The following DEPDC4 variants were observed in gnomAD, a reference collection of about 807,000 sequenced individuals.
DEPDC4 encodes DEP domain containing 4, also known as DEP domain-containing protein 4.
DEPDC4 carries 52 observed loss-of-function variants against 52.0 expected under a neutral mutation model. That is an observed-to-expected ratio of 1.00 (90% CI 0.80 to 1.26). The LOEUF is 1.26. DEPDC4 is among the 50% of genes most tolerant of loss of function. The pLI is 0.00. For synonymous variants in DEPDC4, 201 were observed against 196.8 expected (o/e 1.02, Z -0.18); for missense variants, 530 against 546.9 (o/e 0.97, Z 0.31).
intron 3 of DEPDC4, among the ~76,000 whole-genome samples, chr12:100,256,471 T>C (rs969043074): frequency 7.2e-5 from 11 of 152,276 alleles, no homozygotes; most frequent in Admixed American, 3.9e-4. Context: ...TATAAAGATA[T>C]ATTATCTAGC....
At chr12:100,281,019 G>GTTTTGTTTT in the DEPDC4 span, among the ~76,000 whole-genome samples, 2 of 50,492 alleles carry the variant, frequency 4.0e-5, no homozygotes, top group South Asian at 7.1e-4. Context: ...TACCATCAGT[G>GTTTTGTTTT]TTTTTTTTTT....
chr12:100,247,388 T>C (rs1357990097), intron 8 of DEPDC4, among the ~76,000 whole-genome samples: 1 of 151,870 alleles, frequency 6.6e-6, no homozygotes, highest in African/African-American at 2.4e-5. Flanking sequence ...GTATTTTTAG[T>C]AGAGATGGAG....
chr12:100,238,072 T>C (rs2096144585), downstream of DEPDC4: 1 of 984,012 alleles, frequency 1.0e-6, no homozygotes, highest in Non-Finnish European at 1.2e-6. Context: ...TCTCTTCAGG[T>C]ACCCTCTCAG....
chr12:100,281,560 G>T, the DEPDC4 span, among the ~76,000 whole-genome samples: 1 of 152,024 alleles, frequency 6.6e-6, no homozygotes, highest in Non-Finnish European at 1.5e-5. Context: ...TAGGCTGGGC[G>T]CTTTGGCTCA....
At chr12:100,268,354 G>A (rs2096282290), upstream of DEPDC4, among the ~76,000 whole-genome samples, 3 of 152,144 alleles carry the variant, frequency 2.0e-5, no homozygotes, top group Admixed American at 1.3e-4. Context: ...TCTGGTGATG[G>A]CTTGAAAGTC....
At chr12:100,241,920 G>A (rs11110310) in intron 9 of DEPDC4, 75 bp from the exon 10 acceptor site, 21,001 of 991,292 alleles carry the variant, frequency 0.021, 247 homozygotes, top group Middle Eastern at 0.027. Flanking sequence ...CAACTAAACT[G>A]TACTTATCCA....
intron 7 of DEPDC4, among the ~76,000 whole-genome samples, chr12:100,251,412 T>A (rs553044557): frequency 6.6e-6 from 1 of 152,316 alleles, no homozygotes; most frequent in African/African-American, 2.4e-5. Context: ...TTACTAATGC[T>A]ACTGCTACTC....
At chr12:100,232,889 A>C in intron 9 of DEPDC4, among the ~76,000 whole-genome samples, 1 of 132,922 alleles carries the variant, frequency 7.5e-6, no homozygotes, top group Non-Finnish European at 1.5e-5. Context: ...CATCTCAAAA[A>C]CAAAACAAAA....
At chr12:100,278,029 T>C in the DEPDC4 span, among the ~76,000 whole-genome samples, 1 of 152,192 alleles carries the variant, frequency 6.6e-6, no homozygotes, top group Non-Finnish European at 1.5e-5. Flanking sequence ...CTCCTGTTCT[T>C]TCTTGTTACA....
At position 100,252,467 on chromosome 12, in the gene DEPDC4, C is replaced by A; in HGVS notation, c.1175G>T (p.Arg392Ile). Residue 392 changes from arginine (R) to isoleucine (I), a missense_variant, in exon 6 of 10, where the codon AGA (arginine) becomes ATA (isoleucine). Transcript: ENST00000550587. Reference protein sequence around the residue: ...LYLRLLLLNIREELRRLLTFM... With the variant: ...LYLRLLLLNIIEELRRLLTFM... ...AGTAAGTAGCCGTCGTAATTCTTCTCTAATGTTCAGCAACAGCAATCTTAG... is the reference window on the plus strand; with the variant it reads ...AGTAAGTAGCCGTCGTAATTCTTCTATAATGTTCAGCAACAGCAATCTTAG... 1.9e-6 allele frequency: 3 copies of A among 1,607,736 alleles called. No homozygotes were observed. Among genetic ancestry groups the A allele is most frequent in the Non-Finnish European group, 2.5e-6 (3 of 1,179,810 alleles).
intron 4 of DEPDC4, among the ~76,000 whole-genome samples, chr12:100,255,362 T>A (rs2096228166): frequency 6.6e-6 from 1 of 152,226 alleles, no homozygotes; most frequent in South Asian, 2.1e-4. Flanking sequence ...CATAGTTGAC[T>A]AAGAGGGTCC....
chr12:100,271,362 T>C (rs1284713353), upstream of DEPDC4, among the ~76,000 whole-genome samples: 2 of 151,832 alleles, frequency 1.3e-5, no homozygotes, highest in Non-Finnish European at 2.9e-5. Context: ...TAAGCACACG[T>C]ATTTTCCCCC....
At chr12:100,247,079 C>T (rs1444082085) in intron 8 of DEPDC4, among the ~76,000 whole-genome samples, 6 of 151,472 alleles carry the variant, frequency 4.0e-5, no homozygotes, top group Admixed American at 4.0e-4. Context: ...AGATAAGTTT[C>T]AAGAAGAGAT....
chr12:100,269,086 A>C (rs146284401), upstream of DEPDC4, among the ~76,000 whole-genome samples: 361 of 152,332 alleles, frequency 2.4e-3, 1 homozygote, highest in African/African-American at 8.0e-3. Context: ...TTCAAAATGC[A>C]GACCTAATAA....
downstream of DEPDC4, chr12:100,237,992 G>T: frequency 1.2e-6 from 1 of 814,898 alleles, no homozygotes; most frequent in Non-Finnish European, 1.5e-6. Flanking sequence ...ACATTAAAAT[G>T]GCAACTTTCC....
Position 100,262,290 on chromosome 12 carries a change from T to C in DEPDC4, c.674A>G (p.Lys225Arg). The C allele has an allele frequency of 1.2e-6, 2 of 1,609,646 alleles. No individual in the cohort carries two copies. The highest frequency in any genetic ancestry group is 1.7e-5 in the Admixed American group (1 of 58,278). ...PALCPNITVQ[K>R]PFLRLSKEDV... is the part of the protein sequence containing the mutation. ...TTCTTTTGAAAGCCGGAGAAAAGGT[T>C]TCTGAACTGTGATATTTGGACATAA... The change falls in exon 3 of 10, where the codon AAA becomes AGA. Residue 225 changes from lysine (K) to arginine (R), a missense_variant. Transcript: ENST00000550587.
the DEPDC4 span, among the ~76,000 whole-genome samples, chr12:100,275,398 G>GT: frequency 1.3e-5 from 2 of 151,992 alleles, no homozygotes; most frequent in South Asian, 4.2e-4. Flanking sequence ...GTCTTGATAT[G>GT]TTACCCAGGC....
chr12:100,263,579 A>G lies in DEPDC4; in HGVS notation c.472T>C (p.Tyr158His). The change falls in exon 2 of 10, where the codon TAC becomes CAC. Residue 158 changes from tyrosine to histidine, a missense_variant. By Grantham distance (83) the Tyr-to-His change is moderately conservative. Transcript: ENST00000550587. ...LEFEDSNISLYRFLGNKSSYD... is the reference protein window; with the variant it reads ...LEFEDSNISLHRFLGNKSSYD... Reference sequence around the variant, plus strand: ...GATGATTTATTGCCTAGAAACCTGTAGAGACTAATGTTGGAATCTTCAAAT... The same window carrying G: ...GATGATTTATTGCCTAGAAACCTGTGGAGACTAATGTTGGAATCTTCAAAT... 3 of 1,613,614 alleles carry G rather than the reference A, an allele frequency of 1.9e-6. No individual in the cohort carries two copies. Among genetic ancestry groups the G allele is most frequent in the Non-Finnish European group, 8.5e-7 (1 of 1,179,774 alleles).
intron 8 of DEPDC4, among the ~76,000 whole-genome samples, chr12:100,244,095 G>GTGTA (rs1209030209): frequency 3.9e-5 from 2 of 51,646 alleles, no homozygotes; most frequent in Admixed American, 3.1e-4. Flanking sequence ...CTCTCTCTGT[G>GTGTA]TATATATATA....
Sources: gnomAD v4.1 joint callset for allele counts (sites outside exome capture counted in the v4.1 genomes callset) on GRCh38, gnomAD v4.1.1 for gene constraint, MANE v1.5 for transcripts, NCBI Gene and HGNC (gene_info 2026-07-23, HGNC 2026-07-21) for gene names.